GALNT18: variants seen among roughly 807,000 people sequenced by gnomAD.
GALNT18 encodes the protein polypeptide N-acetylgalactosaminyltransferase 18.
In GALNT18, 44 loss-of-function variants were observed where a neutral mutation model predicts 69.5. The ratio of observed to expected loss-of-function variants is 0.63; its 90% CI spans 0.50 to 0.81. GALNT18 has a LOEUF of 0.81. Ranked by LOEUF, GALNT18 falls within the 40% of genes least tolerant of loss-of-function variation. The probability of loss-of-function intolerance (pLI) is 0.00; values close to 1 mark genes in which losing one functional copy is unlikely to be tolerated. For synonymous variants in GALNT18, 364 were observed against 318.2 expected (o/e 1.14, Z -1.53); for missense variants, 715 against 810.0 (o/e 0.88, Z 1.42).
chr11:11,292,071 G>C lies in GALNT18; in HGVS notation c.1677+958C>G, dbSNP rs11821734. Among the ~76,000 whole-genome samples the C allele has an allele frequency of 4.1e-3, 626 of 152,200 alleles. 7 individuals carry two copies. Among genetic ancestry groups the C allele is most frequent in the African/African-American group, 0.014 (596 of 41,512 alleles). ...GGAGAAGCAGCTTGCCGGGAGGCTG[G>C]AGTCAGGGACTCCTGCCACTCAGTT... On this transcript the variant is annotated intron_variant, in intron 10 of 10. Transcript: ENST00000227756.
Position 11,620,630 on chromosome 11 carries a change from T to C in GALNT18, c.235+729A>G, listed in dbSNP as rs1860169183. The stretch of plus-strand genomic sequence containing the variant: ...GGGGAAGGCGCAGCCCAGGGCGTGT[T>C]CTTCCAGTCTTGGGCGGAGTCATCA... On this transcript the variant is annotated intron_variant, in intron 1 of 10. Coordinates refer to ENST00000227756, the MANE Select transcript of GALNT18 (RefSeq NM_198516.3). This position sits in a 1 kb window ranked among gnomAD's most constrained non-coding sequence, Gnocchi z 6.9. Among the ~76,000 whole-genome samples, 1 of 152,134 alleles carries C rather than the reference T, an allele frequency of 6.6e-6. No homozygotes were observed. The highest frequency in any genetic ancestry group is 6.5e-5 in the Admixed American group (1 of 15,288).
intron 9 of GALNT18, among the ~76,000 whole-genome samples, chr11:11,296,807 T>G (rs1849410113): frequency 6.6e-6 from 1 of 152,128 alleles, no homozygotes; most frequent in Admixed American, 6.5e-5. Context: ...ACTGGCGTAA[T>G]CACAAGGCTG....
chr11:11,415,621 G>T lies in GALNT18; in HGVS notation c.595+17000C>A, dbSNP rs1439054743. Reference sequence around the variant, plus strand: ...GCCACCATCTTGCAGTGAGAACTTTGGTGACTCAGCTCCTATGGTTCTCAA... The same window carrying T: ...GCCACCATCTTGCAGTGAGAACTTTTGTGACTCAGCTCCTATGGTTCTCAA... On this transcript the variant is annotated intron_variant, in intron 3 of 10. Coordinates refer to ENST00000227756, the MANE Select transcript of GALNT18 (RefSeq NM_198516.3). The surrounding 1 kb of genome is among the most constrained non-coding windows in gnomAD (Gnocchi z 4.1). Among the ~76,000 whole-genome samples the T allele has an allele frequency of 6.6e-6, 1 of 152,084 alleles. No individual in the cohort carries two copies. Among genetic ancestry groups the T allele is most frequent in the Non-Finnish European group, 1.5e-5 (1 of 68,020 alleles).
At chr11:11,322,509 A>G (rs1849855687) in intron 9 of GALNT18, among the ~76,000 whole-genome samples, 1 of 152,262 alleles carries the variant, frequency 6.6e-6, no homozygotes, top group South Asian at 2.1e-4. Context: ...ACATTCAAGG[A>G]TAACATGAAG....
chr11:11,539,467 G>A (rs917798438), intron 1 of GALNT18, among the ~76,000 whole-genome samples: 36 of 152,274 alleles, frequency 2.4e-4, no homozygotes, highest in African/African-American at 7.7e-4. Flanking sequence ...TGAACACCTC[G>A]CTGCCCACAA....
chr11:11,428,889 TG>T (rs1285323137), intron 3 of GALNT18, among the ~76,000 whole-genome samples: 2 of 152,196 alleles, frequency 1.3e-5, no homozygotes, highest in African/African-American at 4.8e-5. Flanking sequence ...TCCCATCGTG[TG>T]TGTATGGGTG....
intron 10 of GALNT18, among the ~76,000 whole-genome samples, chr11:11,282,725 A>G (rs1049414534): frequency 1.4e-4 from 21 of 152,176 alleles, no homozygotes; most frequent in Non-Finnish European, 2.6e-4. Context: ...GGCCCTCTGC[A>G]GAGACACTAT....
chr11:11,348,693 T>C (rs1414162099), intron 6 of GALNT18, among the ~76,000 whole-genome samples: 1 of 152,180 alleles, frequency 6.6e-6, no homozygotes, highest in Non-Finnish European at 1.5e-5. Flanking sequence ...GTGGATCACA[T>C]TCTTGGGTTT....
chr11:11,617,940 C>T lies in GALNT18; in HGVS notation c.235+3419G>A, dbSNP rs747217378. Among the ~76,000 whole-genome samples, 10 of 152,122 alleles carry T rather than the reference C, an allele frequency of 6.6e-5. No homozygotes were observed. The highest frequency in any genetic ancestry group is 1.5e-4 in the Non-Finnish European group (10 of 68,012). On this transcript the variant is annotated intron_variant, in intron 1 of 10. Transcript: ENST00000227756. This position sits in a 1 kb window ranked among gnomAD's most constrained non-coding sequence, Gnocchi z 4.7. ...CCCCAGGATGCTTTTTTTAAAAACT[C>T]ATAAGTTATCCACCCTCTCATTTAA...
At position 11,470,766 on chromosome 11, in the gene GALNT18, A is replaced by C. The variant is rs1050167431; in HGVS notation, c.236-21830T>G. Among the ~76,000 whole-genome samples, 1 of 151,946 alleles carries C rather than the reference A, an allele frequency of 6.6e-6. No individual in the cohort carries two copies. The highest frequency in any genetic ancestry group is 1.5e-5 in the Non-Finnish European group (1 of 67,968). ...CCTGTGCTGGGCAGCATCTCCCCAG[A>C]CTACAGAACAGGAAGGACTGCCAGG... On this transcript the variant is annotated intron_variant, in intron 1 of 10. Transcript: ENST00000227756. This position sits in a 1 kb window ranked among gnomAD's most constrained non-coding sequence, Gnocchi z 4.8.
chr11:11,279,354 AC>A (rs897598587), intron 10 of GALNT18, among the ~76,000 whole-genome samples: 10 of 152,332 alleles, frequency 6.6e-5, no homozygotes, highest in African/African-American at 2.4e-4. Context: ...CTAAAAAAAA[AC>A]TTCAGTTCTT....
chr11:11,321,891 C>T lies in GALNT18; in HGVS notation c.1512+5195G>A, dbSNP rs57756322. Among the ~76,000 whole-genome samples, 77 of 152,338 alleles carry T rather than the reference C, an allele frequency of 5.1e-4. 2 individuals are homozygous for T. In the South Asian group the frequency reaches 7.9e-3, roughly 16 times the overall value. On this transcript the variant is annotated intron_variant, in intron 9 of 10. Transcript: ENST00000227756. The stretch of plus-strand genomic sequence containing the variant: ...AAGTGCTAGGATTACAGGCGTGAGC[C>T]ACCACACCTGGCCTATGGGTAGGTT...
chr11:11,419,334 C>A (rs1194686561), intron 3 of GALNT18, among the ~76,000 whole-genome samples: 8 of 152,072 alleles, frequency 5.3e-5, no homozygotes, highest in African/African-American at 9.7e-5. Flanking sequence ...TGGTGGCTCA[C>A]GCCTGTAATC....
rs1050283035 is a variant in GALNT18, at chr11:11,616,655, T to C, written c.235+4704A>G. ...TTTAATCAATTCTCCAGATTAACTATGCTTGCCATTCCCTCTGTAACAAAC... is the reference window on the plus strand; with the variant it reads ...TTTAATCAATTCTCCAGATTAACTACGCTTGCCATTCCCTCTGTAACAAAC... On this transcript the variant is annotated intron_variant, in intron 1 of 10. Transcript: ENST00000227756. This position sits in a 1 kb window ranked among gnomAD's most constrained non-coding sequence, Gnocchi z 4.4. 2.0e-5 allele frequency among the ~76,000 whole-genome samples: 3 copies of C among 152,256 alleles called. No homozygotes were observed. Among genetic ancestry groups the C allele is most frequent in the African/African-American group, 7.2e-5 (3 of 41,478 alleles).
In GALNT18 at chr11:11,565,498, C is replaced by T. The variant is rs554126925; in HGVS notation, c.235+55861G>A. On this transcript the variant is annotated intron_variant, in intron 1 of 10. Coordinates refer to ENST00000227756, the MANE Select transcript of GALNT18 (RefSeq NM_198516.3). The stretch of plus-strand genomic sequence containing the variant: ...GCCTCTAAGCATGAGGGTAAGTGCC[C>T]CAAATGCAAGCACTGGGAAAGGAAG... 7.2e-5 allele frequency among the ~76,000 whole-genome samples: 11 copies of T among 152,192 alleles called. No homozygotes were observed. The East Asian group carries it at 2.1e-3, about 29-fold the overall frequency.
intron 10 of GALNT18, among the ~76,000 whole-genome samples, chr11:11,277,658 C>T (rs1466055234): frequency 6.6e-6 from 1 of 152,150 alleles, no homozygotes; most frequent in Non-Finnish European, 1.5e-5. Flanking sequence ...TTTCCCTCTA[C>T]AACACTGCTT....
intron 1 of GALNT18, among the ~76,000 whole-genome samples, chr11:11,611,863 G>A (rs1859911856): frequency 6.6e-6 from 1 of 152,170 alleles, no homozygotes; most frequent in East Asian, 1.9e-4. Context: ...GCTTTGTGGT[G>A]GCTGCTCCCT....
intron 1 of GALNT18, among the ~76,000 whole-genome samples, chr11:11,516,065 T>C (rs904840634): frequency 1.5e-4 from 23 of 152,088 alleles, no homozygotes; most frequent in African/African-American, 5.6e-4. Context: ...GCCCTGAGTG[T>C]GACAGGGACA....
In GALNT18 at chr11:11,358,369, C is replaced by G. The variant is rs1048914856; in HGVS notation, c.1092+14146G>C. The stretch of plus-strand genomic sequence containing the variant: ...TCTAATGCCAAACTTGCCACATTTT[C>G]CCCCTCAAACTATCTCAAATTCTTC... On this transcript the variant is annotated intron_variant, in intron 6 of 10. Transcript: ENST00000227756. 4.3e-5 allele frequency among the ~76,000 whole-genome samples: 6 copies of G among 139,962 alleles called. 1 individual carries two copies. The highest frequency in any genetic ancestry group is 7.9e-5 in the African/African-American group (3 of 37,818). The allele number at this position is 139,962 out of a possible 152,430, so 91.8% of individuals were successfully genotyped here.
Sources: allele counts gnomAD v4.1 joint callset (sites outside exome capture counted in the v4.1 genomes callset), GRCh38; gene constraint gnomAD v4.1.1; non-coding constraint Gnocchi (gnomAD v3.1); transcripts MANE v1.5; gene names NCBI Gene and HGNC (gene_info 2026-07-23, HGNC 2026-07-21).